PDGFD: variants seen among roughly 807,000 people sequenced by gnomAD.
PDGFD encodes platelet derived growth factor D.
Under a neutral mutation model 44.7 loss-of-function variants are expected in PDGFD, and 30 were observed. That is an observed-to-expected ratio of 0.67 (90% CI 0.50 to 0.91). PDGFD has a LOEUF of 0.91. Among genes scored for constraint, PDGFD ranks in the 40% least tolerant of loss-of-function variants. The pLI, the probability that PDGFD is intolerant of heterozygous loss-of-function variation, is 0.00. For synonymous variants in PDGFD, 173 were observed against 168.4 expected (o/e 1.03, Z -0.21); for missense variants, 445 against 457.8 (o/e 0.97, Z 0.25).
At chr11:104,157,456 T>C (rs143792572) in intron 1 of PDGFD, among the ~76,000 whole-genome samples, 4 of 152,294 alleles carry the variant, frequency 2.6e-5, no homozygotes, top group South Asian at 2.1e-4. Flanking sequence ...CTCAGCATAA[T>C]GGCCAAGCTC....
intron 3 of PDGFD, among the ~76,000 whole-genome samples, chr11:103,960,558 G>A (rs1338611905): frequency 6.6e-6 from 1 of 152,154 alleles, no homozygotes; most frequent in African/African-American, 2.4e-5. Context: ...TGGATGCACA[G>A]GAAGCAAAAT....
intron 1 of PDGFD, among the ~76,000 whole-genome samples, chr11:104,007,708 T>G (rs948607096): frequency 2.6e-5 from 4 of 152,204 alleles, no homozygotes; most frequent in Admixed American, 1.3e-4. Context: ...AAAGATCTTT[T>G]TAACAAAATA....
At chr11:104,035,642 T>A (rs1325134761) in intron 1 of PDGFD, among the ~76,000 whole-genome samples, 1 of 150,928 alleles carries the variant, frequency 6.6e-6, no homozygotes, top group Non-Finnish European at 1.5e-5. Flanking sequence ...GATTCACATA[T>A]GACTTCATCA....
intron 1 of PDGFD, among the ~76,000 whole-genome samples, chr11:104,099,586 T>C (rs753900954): frequency 3.3e-5 from 5 of 150,860 alleles, no homozygotes; most frequent in Non-Finnish European, 7.4e-5. Context: ...GAGCCCAGAT[T>C]GCACCACTAC....
chr11:103,961,299 G>A (rs904157353), intron 3 of PDGFD, among the ~76,000 whole-genome samples: 2 of 152,120 alleles, frequency 1.3e-5, no homozygotes. Flanking sequence ...ATAAATATTT[G>A]TAGAATGAAT....
At chr11:104,093,327 CAT>C (rs1861237489) in intron 1 of PDGFD, among the ~76,000 whole-genome samples, 1 of 152,208 alleles carries the variant, frequency 6.6e-6, no homozygotes, top group Admixed American at 6.5e-5. Context: ...CACGCACACA[CAT>C]ACACACACAC....
intron 1 of PDGFD, among the ~76,000 whole-genome samples, chr11:104,055,188 T>C (rs1424552351): frequency 1.3e-5 from 2 of 152,160 alleles, no homozygotes; most frequent in African/African-American, 2.4e-5. Flanking sequence ...TATAAGGAAT[T>C]AATAGTTTGG....
intron 1 of PDGFD, among the ~76,000 whole-genome samples, chr11:104,003,043 T>C (rs762114655): frequency 6.6e-6 from 1 of 152,248 alleles, no homozygotes; most frequent in Non-Finnish European, 1.5e-5. Context: ...TCAGATGCTA[T>C]GTTAGATCTG....
At chr11:104,076,891 T>C (rs1047847427) in intron 1 of PDGFD, among the ~76,000 whole-genome samples, 4 of 152,220 alleles carry the variant, frequency 2.6e-5, no homozygotes, top group Admixed American at 1.3e-4. Context: ...TACTTAACAA[T>C]AGTAAATATA....
chr11:104,034,645 CTTT>C (rs35283366), intron 1 of PDGFD, among the ~76,000 whole-genome samples: 20 of 143,690 alleles, frequency 1.4e-4, no homozygotes, highest in Middle Eastern at 3.3e-3. Context: ...GTGCAAAACA[CTTT>C]TTTTTTTTTT....
chr11:103,930,617 C>G (rs1858386458), intron 5 of PDGFD, among the ~76,000 whole-genome samples: 1 of 151,714 alleles, frequency 6.6e-6, no homozygotes, highest in South Asian at 2.1e-4. Flanking sequence ...AGTTTGAATC[C>G]AGGCCTCTTC....
intron 1 of PDGFD, among the ~76,000 whole-genome samples, chr11:104,081,711 A>G (rs1438353511): frequency 1.3e-5 from 2 of 152,088 alleles, no homozygotes; most frequent in Admixed American, 1.3e-4. Flanking sequence ...AAGATCAGCC[A>G]TTTTTCCAGG....
rs180882198 is a variant in PDGFD, at chr11:103,959,429, T to C, written c.511-11705A>G. 1.8e-4 allele frequency among the ~76,000 whole-genome samples: 27 copies of C among 152,336 alleles called. No homozygotes were observed. The East Asian group carries it at 4.2e-3, about 24-fold the overall frequency. On this transcript the variant is annotated intron_variant, in intron 3 of 6. Transcript: ENST00000393158. Reference sequence around the variant, plus strand: ...GTGGTTAAACTAGAGAGATGGTTAATGTAAAGTCTGAAACAAAAGCATAGG... The same window carrying C: ...GTGGTTAAACTAGAGAGATGGTTAACGTAAAGTCTGAAACAAAAGCATAGG...
At chr11:104,037,916 A>G (rs761603254) in intron 1 of PDGFD, 14 of 1,614,102 alleles carry the variant, frequency 8.7e-6, no homozygotes, top group Non-Finnish European at 1.0e-5. Context: ...CCTGAGGGAG[A>G]GTTGCCCTTA....
chr11:104,086,027 T>G (rs1457492707), intron 1 of PDGFD, among the ~76,000 whole-genome samples: 1 of 152,210 alleles, frequency 6.6e-6, no homozygotes, highest in African/African-American at 2.4e-5. Flanking sequence ...AAGCCGAAAG[T>G]GACATGCCTT....
Position 104,044,188 on chromosome 11 carries a change from C to T in PDGFD, c.125-43933G>A, listed in dbSNP as rs181752532. Among the ~76,000 whole-genome samples the T allele has an allele frequency of 7.2e-4, 110 of 151,956 alleles. 1 individual carries two copies. The East Asian group carries it at 0.017, about 23-fold the overall frequency. On this transcript the variant is annotated intron_variant, in intron 1 of 6. Coordinates refer to ENST00000393158, the MANE Select transcript of PDGFD (RefSeq NM_025208.5). Reference sequence around the variant, plus strand: ...AGAAATGCTTGGGCATTTATAAAACCGAGAATGGAACCTAAAATTACTACC... The same window carrying T: ...AGAAATGCTTGGGCATTTATAAAACTGAGAATGGAACCTAAAATTACTACC...
intron 5 of PDGFD, among the ~76,000 whole-genome samples, chr11:103,928,481 A>G (rs972330827): frequency 4.6e-5 from 7 of 152,358 alleles, no homozygotes; most frequent in Middle Eastern, 3.4e-3. Flanking sequence ...GCAGAGGTCA[A>G]AAGTCAAGGA....
chr11:104,116,786 C>T (rs1477937107), intron 1 of PDGFD, among the ~76,000 whole-genome samples: 1 of 151,878 alleles, frequency 6.6e-6, no homozygotes, highest in Non-Finnish European at 1.5e-5. Flanking sequence ...GCCGGTCTTT[C>T]CCGTGGCATT....
At chr11:103,991,858 G>A (rs972120697) in intron 3 of PDGFD, among the ~76,000 whole-genome samples, 3 of 152,150 alleles carry the variant, frequency 2.0e-5, no homozygotes, top group African/African-American at 7.2e-5. Context: ...TTTTACAGAC[G>A]ATGAAACTGA....
Sources: gnomAD v4.1 joint callset for allele counts (sites outside exome capture counted in the v4.1 genomes callset) on GRCh38, gnomAD v4.1.1 for gene constraint, MANE v1.5 for transcripts, NCBI Gene and HGNC (gene_info 2026-07-23, HGNC 2026-07-21) for gene names.